Variants in MYO16 observed in about 807,000 individuals in gnomAD.
MYO16 encodes unconventional myosin-XVI.
In MYO16, 94 loss-of-function variants were observed where a neutral mutation model predicts 205.3. The observed-to-expected ratio is 0.46, with a 90% CI of 0.39 to 0.54. The LOEUF is 0.54. MYO16 is among the 20% of genes least tolerant of loss of function. MYO16 has a pLI of 0.00. For missense variants in MYO16, 2,315 were observed against 2,387.5 expected, an observed-to-expected ratio of 0.97 and a Z score of 0.63; for synonymous variants, 988 against 954.0, an observed-to-expected ratio of 1.04 and a Z score of -0.66.
chr13:108,674,142 T>G lies in MYO16; in HGVS notation c.292+7993T>G, dbSNP rs1162150020. On this transcript the variant is annotated intron_variant, in intron 2 of 34. Coordinates refer to ENST00000457511, the MANE Select transcript of MYO16 (RefSeq NM_001198950.3). ...TAGGTAAATCATTAGGACCAAGCTT[T>G]CTCTCCCCTATGTACCCCATTCCCA... 2.6e-5 allele frequency among the ~76,000 whole-genome samples: 4 copies of G among 152,276 alleles called. No individual in the cohort carries two copies. In the East Asian group the frequency reaches 7.7e-4, roughly 29 times the overall value.
chr13:108,912,434 G>A (rs1031270561), intron 16 of MYO16, among the ~76,000 whole-genome samples: 7 of 152,064 alleles, frequency 4.6e-5, no homozygotes, highest in Non-Finnish European at 1.0e-4. Flanking sequence ...TAATATTAAA[G>A]TATGGTAACC....
In MYO16 at chr13:108,858,832, CT is replaced by C. The variant is rs574705771; in HGVS notation, c.1359+3280del. On this transcript the variant is annotated intron_variant, in intron 11 of 34. Coordinates refer to ENST00000457511, the MANE Select transcript of MYO16 (RefSeq NM_001198950.3). ...CTCATAAAGCCGCAACGCTTTCCCCCTACCTTTTGAATTTCTGACGTCAGAT... is the reference window on the plus strand; with the variant it reads ...CTCATAAAGCCGCAACGCTTTCCCCCACCTTTTGAATTTCTGACGTCAGAT... 2.2e-4 allele frequency among the ~76,000 whole-genome samples: 33 copies of C among 152,240 alleles called. No individual in the cohort carries two copies. In the South Asian group the frequency reaches 5.4e-3, roughly 25 times the overall value.
chr13:108,713,704 G>T (rs112792113), intron 3 of MYO16, among the ~76,000 whole-genome samples: 6 of 152,298 alleles, frequency 3.9e-5, no homozygotes, highest in African/African-American at 1.4e-4. Flanking sequence ...AAGAGATCTG[G>T]AATGCAAGTT....
intron 34 of MYO16, among the ~76,000 whole-genome samples, chr13:109,191,017 G>A (rs9521201): frequency 0.039 from 5,878 of 152,010 alleles, 175 homozygotes; most frequent in South Asian, 0.071. Flanking sequence ...TCAAGAGTTC[G>A]AGACAAGCCT....
chr13:109,139,941 A>G (rs1042131501), intron 31 of MYO16, among the ~76,000 whole-genome samples: 6 of 151,516 alleles, frequency 4.0e-5, no homozygotes, highest in Non-Finnish European at 8.8e-5. Context: ...CTCCTGTCTT[A>G]TAAACTAGGC....
chr13:108,585,626 C>A, the MYO16 span, among the ~76,000 whole-genome samples: 3 of 152,144 alleles, frequency 2.0e-5, no homozygotes, highest in South Asian at 4.1e-4. Context: ...CCACAAGAGA[C>A]TTTGCAGGGC....
At chr13:109,124,328 T>G (rs1312936172) in intron 29 of MYO16, among the ~76,000 whole-genome samples, 1 of 152,216 alleles carries the variant, frequency 6.6e-6, no homozygotes, top group Non-Finnish European at 1.5e-5. Context: ...GAGCCCGGGC[T>G]CTACTATTCC....
chr13:108,575,636 C>A, the MYO16 span, among the ~76,000 whole-genome samples: 1 of 152,160 alleles, frequency 6.6e-6, no homozygotes, highest in Non-Finnish European at 1.5e-5. Flanking sequence ...CTGCCAATAC[C>A]GCCCTATGTC....
At chr13:108,906,720 A>C (rs1323807589) in intron 15 of MYO16, among the ~76,000 whole-genome samples, 3 of 152,224 alleles carry the variant, frequency 2.0e-5, no homozygotes, top group Non-Finnish European at 4.4e-5. Flanking sequence ...TGTATGGTAC[A>C]CGGTAGGTGC....
At chr13:108,883,945 A>G (rs554910929) in intron 13 of MYO16, among the ~76,000 whole-genome samples, 2 of 152,310 alleles carry the variant, frequency 1.3e-5, no homozygotes, top group East Asian at 3.9e-4. Flanking sequence ...TTTGAATTTG[A>G]AATGTAATGC....
At chr13:108,636,492 G>A (rs1293202820) in intron 1 of MYO16, among the ~76,000 whole-genome samples, 1 of 149,786 alleles carries the variant, frequency 6.7e-6, no homozygotes, top group Non-Finnish European at 1.5e-5. Flanking sequence ...CAATTCTCCT[G>A]CCTCAGCCTC....
intron 1 of MYO16, chr13:108,659,389 A>T (rs1219281434): frequency 2.3e-6 from 1 of 433,776 alleles, no homozygotes; most frequent in East Asian, 7.6e-5. Context: ...TAGATGTCAG[A>T]TATTTCCTGG....
chr13:109,165,756 G>A (rs1302430722), intron 33 of MYO16, among the ~76,000 whole-genome samples: 1 of 152,202 alleles, frequency 6.6e-6, no homozygotes, highest in Non-Finnish European at 1.5e-5. Context: ...CTTGGCTCAT[G>A]GGGACATAAG....
chr13:109,140,656 C>G lies in MYO16; in HGVS notation c.4444C>G (p.Leu1482Val). 1 of 1,497,890 alleles carries G rather than the reference C, an allele frequency of 6.7e-7. No homozygotes were observed. Among genetic ancestry groups the G allele is most frequent in the Non-Finnish European group, 8.9e-7 (1 of 1,127,604 alleles). The allele number at this position is 1,497,890 out of a possible 1,614,324, so 92.8% of individuals were successfully genotyped here. A position where few individuals can be genotyped will look rare whatever the true frequency, so the allele number is the denominator to read the frequency against. Residue 1482 changes from leucine (L) to valine (V), a missense_variant, in exon 32 of 35, where the codon CTC (leucine) becomes GTC (valine). Around this residue, in one of 3 missense-constraint regions of MYO16, gnomAD observed 1,097 missense variants for 1,092.0 expected, o/e 1.00. Coordinates refer to ENST00000457511, the MANE Select transcript of MYO16 (RefSeq NM_001198950.3). The surrounding 1 kb of genome is among the most constrained non-coding windows in gnomAD (Gnocchi z 8.0). ...GCTCCACGGCGCATCGCCGCCCCTGCTCCACCGCGCGCCGGAGGACGAGGC... is the reference window on the plus strand; with the variant it reads ...GCTCCACGGCGCATCGCCGCCCCTGGTCCACCGCGCGCCGGAGGACGAGGC... ...FLLHGASPPL[L>V]HRAPEDEAAG...
chr13:109,055,277 AG>A lies in MYO16; in HGVS notation c.3130-112del. The A allele has an allele frequency of 1.0e-6, 1 of 981,080 alleles. No individual in the cohort carries two copies. The highest frequency in any genetic ancestry group is 1.5e-6 in the Non-Finnish European group (1 of 660,278). The allele number at this position is 981,080 out of a possible 1,614,324, so 60.8% of individuals were successfully genotyped here. On this transcript the variant is annotated intron_variant, in intron 26 of 34. Coordinates refer to ENST00000457511, the MANE Select transcript of MYO16 (RefSeq NM_001198950.3). The surrounding 1 kb of genome is among the most constrained non-coding windows in gnomAD (Gnocchi z 5.0). ...CACACACACACACACACACACACAG[AG>A]TAAATGCATAATGAGATTTAAAGAC...
chr13:108,631,223 G>T (rs1239668067), intron 1 of MYO16, among the ~76,000 whole-genome samples: 3 of 152,140 alleles, frequency 2.0e-5, no homozygotes, highest in Admixed American at 2.0e-4. Flanking sequence ...GAAAAACTCT[G>T]CATCTTTCCT....
intron 16 of MYO16, among the ~76,000 whole-genome samples, chr13:108,928,943 C>T (rs888240596): frequency 1.3e-5 from 2 of 152,078 alleles, no homozygotes; most frequent in Non-Finnish European, 2.9e-5. Context: ...CATATTTTCC[C>T]TCCATAATGT....
chr13:109,206,968 C>A lies in MYO16; in HGVS notation c.*132C>A. ...AGACAAAAAAAGCACAGGACACAGA[C>A]ACTAAATATATGAGATCCCGTGTGT... On this transcript the variant is annotated 3_prime_UTR_variant, in exon 35 of 35. Transcript: ENST00000457511. 1 of 700,750 alleles carries A rather than the reference C, an allele frequency of 1.4e-6. No homozygotes were observed. Among genetic ancestry groups the A allele is most frequent in the Non-Finnish European group, 2.4e-6 (1 of 419,284 alleles). 43.4% of individuals were successfully genotyped at this position (700,750 alleles called of 1,614,324 possible).
At chr13:108,855,009 T>G (rs1878092819) in intron 10 of MYO16, among the ~76,000 whole-genome samples, 1 of 152,212 alleles carries the variant, frequency 6.6e-6, no homozygotes, top group Non-Finnish European at 1.5e-5. Context: ...CATTTCTTCC[T>G]TACCATGCCA....
Sources: allele counts gnomAD v4.1 joint callset (sites outside exome capture counted in the v4.1 genomes callset), GRCh38; gene constraint gnomAD v4.1.1; regional missense constraint gnomAD v4.1.1; non-coding constraint Gnocchi (gnomAD v3.1); transcripts MANE v1.5; gene names NCBI Gene and HGNC (gene_info 2026-07-23, HGNC 2026-07-21).